Variants in SPNS2 observed in about 807,000 individuals in gnomAD.
The protein encoded by SPNS2 is sphingosine-1-phosphate transporter SPNS2.
A neutral mutation model predicts 57.6 loss-of-function variants in SPNS2; 37 were observed. The ratio of observed to expected loss-of-function variants is 0.64; its 90% CI spans 0.49 to 0.85. The LOEUF is 0.85. Among genes scored for constraint, SPNS2 ranks in the 40% least tolerant of loss-of-function variants. SPNS2 has a pLI of 0.00. For missense variants in SPNS2, 831 were observed against 779.1 expected (o/e 1.07, Z -0.79); for synonymous variants, 440 against 346.9 (o/e 1.27, Z -2.98).
At chr17:4,509,026 G>A (rs761962030) in intron 1 of SPNS2, among the ~76,000 whole-genome samples, 22 of 152,210 alleles carry the variant, frequency 1.4e-4, no homozygotes, top group Non-Finnish European at 2.1e-4. Flanking sequence ...GAGGCTGGAC[G>A]ATAAAGCAGA....
chr17:4,517,992 G>A (rs552672185), intron 2 of SPNS2, among the ~76,000 whole-genome samples: 5 of 152,334 alleles, frequency 3.3e-5, no homozygotes, highest in South Asian at 2.1e-4. Context: ...GGAAATCAGC[G>A]TCAATGCAAC....
At chr17:4,533,975 A>C (rs981036543) in intron 9 of SPNS2, 122 bp downstream of exon 9, 2 of 944,686 alleles carry the variant, frequency 2.1e-6, no homozygotes. Context: ...CCTGCCAGGA[A>C]CGTGAACCCA....
Position 4,530,681 on chromosome 17 carries a change from C to T in SPNS2, c.623C>T (p.Ala208Val). ...LSRGLVGIGE[A>V]SYSTIAPTII... is the part of the protein sequence containing the mutation. ...CGGGGGCTGGTGGGCATCGGGGAGG[C>T]CAGCTACTCCACCATCGCCCCCACT... The change falls in exon 4 of 13, where the codon GCC becomes GTC. Residue 208 changes from alanine to valine, a missense_variant. By Grantham distance (64) the Ala-to-Val change is moderately conservative. This residue lies in a region of SPNS2 where 305 missense variants were observed against 378.3 expected (regional missense o/e 0.81). Coordinates refer to ENST00000329078, the MANE Select transcript of SPNS2 (RefSeq NM_001124758.3). 1 of 1,613,842 alleles carries T rather than the reference C, an allele frequency of 6.2e-7. No individual in the cohort carries two copies. Among genetic ancestry groups the T allele is most frequent in the Non-Finnish European group, 8.5e-7 (1 of 1,179,920 alleles).
rs1904807201 is a variant in SPNS2, at chr17:4,510,671, C to T, written c.371-2576C>T. Among the ~76,000 whole-genome samples, 1 of 152,198 alleles carries T rather than the reference C, an allele frequency of 6.6e-6. No homozygotes were observed. The highest frequency in any genetic ancestry group is 2.4e-5 in the African/African-American group (1 of 41,458). On this transcript the variant is annotated intron_variant, in intron 1 of 12. Coordinates refer to ENST00000329078, the MANE Select transcript of SPNS2 (RefSeq NM_001124758.3). This position sits in a 1 kb window ranked among gnomAD's most constrained non-coding sequence, Gnocchi z 4.4. ...CTATGGATGGGGACCCTCCTGCCTCCTCCTGACTCCGCCCATCCTCTTGTC... is the reference window on the plus strand; with the variant it reads ...CTATGGATGGGGACCCTCCTGCCTCTTCCTGACTCCGCCCATCCTCTTGTC...
At position 4,501,636 on chromosome 17, in the gene SPNS2, T is replaced by C. The variant is rs74882169; in HGVS notation, c.370+2219T>C. 1.1e-4 allele frequency among the ~76,000 whole-genome samples: 17 copies of C among 152,244 alleles called. No individual in the cohort carries two copies. In the East Asian group the frequency reaches 3.3e-3, roughly 29 times the overall value. ...ATAAGCCTGGTTGCCCCTCTCTCTA[T>C]GGTAGATTTCCCCATCTCCACTTCC... On this transcript the variant is annotated intron_variant, in intron 1 of 12. Coordinates refer to ENST00000329078, the MANE Select transcript of SPNS2 (RefSeq NM_001124758.3).
chr17:4,536,179 G>T lies in SPNS2; in HGVS notation c.1443+5G>T. On this transcript the variant is annotated splice_donor_5th_base_variant and intron_variant, in intron 10 of 12. Coordinates refer to ENST00000329078, the MANE Select transcript of SPNS2 (RefSeq NM_001124758.3). Reference sequence around the variant, plus strand: ...AGCCCCTACCTCATTGGCTTTGTGAGTAGCCCCGGGGTGGGGCTGGCCAGG... The same window carrying T: ...AGCCCCTACCTCATTGGCTTTGTGATTAGCCCCGGGGTGGGGCTGGCCAGG... 6.2e-7 allele frequency: 1 copy of T among 1,611,088 alleles called. No individual in the cohort carries two copies.
intron 1 of SPNS2, among the ~76,000 whole-genome samples, chr17:4,501,633 C>G (rs1904517548): frequency 6.6e-6 from 1 of 152,156 alleles, no homozygotes; most frequent in Non-Finnish European, 1.5e-5. Flanking sequence ...GCCCCTCTCT[C>G]TATGGTAGAT....
chr17:4,516,876 G>A (rs1026857496), intron 2 of SPNS2, among the ~76,000 whole-genome samples: 2 of 152,194 alleles, frequency 1.3e-5, no homozygotes, highest in Non-Finnish European at 2.9e-5. Context: ...AGTGTTTAGG[G>A]ACCAGATAAA....
Position 4,536,118 on chromosome 17 carries a change from C to A in SPNS2, c.1387C>A (p.Gln463Lys). The stretch of plus-strand genomic sequence containing the variant: ...GCGGCGCGCCACTGCCGTGGCCTTG[C>A]AGAGCTTCACCTCCCACCTGCTGGG... ...PTRRATAVAL[Q>K]SFTSHLLGDA... The change falls in exon 10 of 13, where the codon CAG (glutamine) becomes AAG (lysine). Residue 463 changes from glutamine (Q) to lysine (K), a missense_variant. Gln to Lys is a moderately conservative substitution (Grantham distance 53, BLOSUM62 1). This residue lies in a region of SPNS2 where 526 missense variants were observed against 400.9 expected (regional missense o/e 1.31). Transcript: ENST00000329078. 1 of 1,612,652 alleles carries A rather than the reference C, an allele frequency of 6.2e-7. No homozygotes were observed. The highest frequency in any genetic ancestry group is 8.5e-7 in the Non-Finnish European group (1 of 1,179,832).
Position 4,538,901 on chromosome 17 carries a change from G to C in SPNS2, c.*1453G>C. 1 of 781,456 alleles carries C rather than the reference G, an allele frequency of 1.3e-6. No individual in the cohort carries two copies. Among genetic ancestry groups the C allele is most frequent in the Non-Finnish European group, 2.4e-6 (1 of 418,448 alleles). 48.4% of individuals were successfully genotyped at this position (781,456 alleles called of 1,614,324 possible). On this transcript the variant is annotated 3_prime_UTR_variant, in exon 13 of 13. Transcript: ENST00000329078. The stretch of plus-strand genomic sequence containing the variant: ...CTTGTTGTACAAGAACCAGGTCCGA[G>C]TGTTGCCTCCTCTTCCTTCCGGAAG...
Position 4,499,258 on chromosome 17 carries a change from C to A in SPNS2, c.211C>A (p.Pro71Thr), listed in dbSNP as rs945079981. 3 of 1,461,386 alleles carry A rather than the reference C, an allele frequency of 2.1e-6. No individual in the cohort carries two copies. The highest frequency in any genetic ancestry group is 3.0e-5 in the African/African-American group (2 of 67,600). 90.5% of individuals were successfully genotyped at this position (1,461,386 alleles called of 1,614,324 possible). Residue 71 changes from proline (P) to threonine (T), a missense_variant, in exon 1 of 13, where the codon CCC becomes ACC. Around this residue, in one of 2 missense-constraint regions of SPNS2, gnomAD observed 305 missense variants for 378.3 expected, o/e 0.81. Coordinates refer to ENST00000329078, the MANE Select transcript of SPNS2 (RefSeq NM_001124758.3). The surrounding 1 kb of genome is among the most constrained non-coding windows in gnomAD (Gnocchi z 5.2). ...CAGCGTAAGGCGGGCCCCGACCGGA[C>A]CCCCCGGCACCCCCGGCACCCCCGG... ...SGSVRRAPTG[P>T]PGTPGTPGCA... is the part of the protein sequence containing the mutation.
chr17:4,535,700 A>G (rs1905746276), intron 9 of SPNS2, among the ~76,000 whole-genome samples: 1 of 152,122 alleles, frequency 6.6e-6, no homozygotes, highest in Non-Finnish European at 1.5e-5. Flanking sequence ...AGGGAGGTGA[A>G]GATTCCAATT....
In SPNS2 at chr17:4,499,570, G is replaced by A; in HGVS notation, c.370+153G>A. ...ACGGACCCTCTGCTCAGGCACAACTGGGCAAGGGATGCCTCCGTGCACCAC... is the reference window on the plus strand; with the variant it reads ...ACGGACCCTCTGCTCAGGCACAACTAGGCAAGGGATGCCTCCGTGCACCAC... On this transcript the variant is annotated intron_variant, in intron 1 of 12. Transcript: ENST00000329078. The surrounding 1 kb of genome is among the most constrained non-coding windows in gnomAD (Gnocchi z 5.2). 4.4e-6 allele frequency: 2 copies of A among 459,416 alleles called. No individual in the cohort carries two copies. The highest frequency in any genetic ancestry group is 7.4e-6 in the Non-Finnish European group (2 of 270,552). The allele number at this position is 459,416 out of a possible 1,614,324, so 28.5% of individuals were successfully genotyped here. A position where few individuals can be genotyped will look rare whatever the true frequency, so the allele number is the denominator to read the frequency against.
intron 8 of SPNS2, 81 bp from the exon 9 acceptor site, chr17:4,533,707 C>T: frequency 1.3e-6 from 2 of 1,504,702 alleles, no homozygotes; most frequent in Non-Finnish European, 1.8e-6. Flanking sequence ...TCCCTGCCAG[C>T]AGCCAGTGTG....
In SPNS2 at chr17:4,536,959, C is replaced by A. The variant is rs115797190; in HGVS notation, c.*4+13C>A. 1 of 1,612,166 alleles carries A rather than the reference C, an allele frequency of 6.2e-7. No individual in the cohort carries two copies. ...AAAGTCTGAGGTGGTGAGTGCAGGC[C>A]GGGAGGCACGTGGGGGCTCCCTAAG... On this transcript the variant is annotated intron_variant, in intron 12 of 12. Transcript: ENST00000329078.
In SPNS2 at chr17:4,532,358, C is replaced by T. The variant is rs72830096; in HGVS notation, c.793-184C>T. On this transcript the variant is annotated intron_variant, in intron 5 of 12. Coordinates refer to ENST00000329078, the MANE Select transcript of SPNS2 (RefSeq NM_001124758.3). ...GGTCTGGACAGGCCATCTCAAGCCTCCAGTCTCTTGACCGACCTCAGCCCC... is the reference window on the plus strand; with the variant it reads ...GGTCTGGACAGGCCATCTCAAGCCTTCAGTCTCTTGACCGACCTCAGCCCC... Among the ~76,000 whole-genome samples the T allele has an allele frequency of 9.1e-3, 1,389 of 152,342 alleles. 13 individuals are homozygous for T. Among genetic ancestry groups the T allele is most frequent in the Middle Eastern group, 0.02 (6 of 294 alleles).
intron 2 of SPNS2, among the ~76,000 whole-genome samples, chr17:4,516,958 A>T (rs1322356608): frequency 6.6e-6 from 1 of 152,188 alleles, no homozygotes; most frequent in East Asian, 1.9e-4. Context: ...CAGACATAAA[A>T]AGTAGTGAGA....
At chr17:4,534,974 G>C (rs187812081) in intron 9 of SPNS2, among the ~76,000 whole-genome samples, 29 of 152,292 alleles carry the variant, frequency 1.9e-4, no homozygotes, top group Non-Finnish European at 4.0e-4. Context: ...GCTGGAAACA[G>C]GGCCACTCGT....
chr17:4,514,895 C>T (rs1339874053), intron 2 of SPNS2, among the ~76,000 whole-genome samples: 6 of 152,212 alleles, frequency 3.9e-5, no homozygotes, highest in African/African-American at 1.4e-4. Context: ...CAACCCCCGC[C>T]CTGTGTGGCC....
Sources: gnomAD v4.1 joint callset for allele counts (sites outside exome capture counted in the v4.1 genomes callset) on GRCh38, gnomAD v4.1.1 for gene constraint, gnomAD v4.1.1 regional missense constraint, Gnocchi (gnomAD v3.1) non-coding constraint, MANE v1.5 for transcripts, NCBI Gene and HGNC (gene_info 2026-07-23, HGNC 2026-07-21) for gene names.